Variants in KSR2 observed in about 807,000 individuals in gnomAD.
KSR2 encodes the protein kinase suppressor of ras 2.
Under a neutral mutation model 107.8 loss-of-function variants are expected in KSR2, and 25 were observed. That is an observed-to-expected ratio of 0.23 (90% CI 0.17 to 0.32). The LOEUF (loss-of-function observed/expected upper bound fraction) is 0.32, where lower values mean the gene tolerates loss of function less well. KSR2 is among the 10% of genes least tolerant of loss of function. The pLI is 1.00. For missense variants in KSR2, 887 were observed against 1,268.9 expected, an observed-to-expected ratio of 0.70 and a Z score of 4.57; for synonymous variants, 480 against 507.0, an observed-to-expected ratio of 0.95 and a Z score of 0.71.
At chr12:117,830,142 C>A (rs537665322) in intron 3 of KSR2, among the ~76,000 whole-genome samples, 234 of 152,174 alleles carry the variant, frequency 1.5e-3, no homozygotes, top group Non-Finnish European at 2.7e-3. Context: ...GTGGTGCATG[C>A]CTGTAATCCC....
At chr12:117,960,601 A>G (rs544897890) in intron 1 of KSR2, among the ~76,000 whole-genome samples, 50 of 152,182 alleles carry the variant, frequency 3.3e-4, no homozygotes, top group African/African-American at 1.2e-3. Flanking sequence ...GATAAACACA[A>G]CCACAAGTGA....
At chr12:117,721,680 T>G (rs962162246) in intron 4 of KSR2, among the ~76,000 whole-genome samples, 16 of 152,182 alleles carry the variant, frequency 1.1e-4, no homozygotes, top group Non-Finnish European at 1.6e-4. Context: ...TTTGACCTTC[T>G]GAGGGCATAG....
chr12:117,647,753 C>A (rs1348406039), intron 5 of KSR2, among the ~76,000 whole-genome samples: 3 of 152,112 alleles, frequency 2.0e-5, no homozygotes, highest in Admixed American at 2.0e-4. Flanking sequence ...GACAGAGTCT[C>A]ACTCTGTCGC....
At chr12:117,906,109 G>C (rs1419500628) in intron 1 of KSR2, among the ~76,000 whole-genome samples, 2 of 152,102 alleles carry the variant, frequency 1.3e-5, no homozygotes, top group South Asian at 2.1e-4. Flanking sequence ...CCAGCACTTC[G>C]GGAGGCCGAG....
chr12:117,875,213 C>G (rs1445021683), intron 1 of KSR2, among the ~76,000 whole-genome samples: 2 of 152,106 alleles, frequency 1.3e-5, no homozygotes, highest in Non-Finnish European at 2.9e-5. Flanking sequence ...GTCTGAAATC[C>G]CTAATGTGAA....
At chr12:117,539,582 T>A in intron 10 of KSR2, 137 bp downstream of exon 10, 3 of 753,928 alleles carry the variant, frequency 4.0e-6, no homozygotes, top group African/African-American at 1.8e-5. Context: ...CATACTTCCT[T>A]GCCCCTCTCT....
chr12:117,901,505 A>G (rs1028034945), intron 1 of KSR2, among the ~76,000 whole-genome samples: 9 of 151,900 alleles, frequency 5.9e-5, no homozygotes, highest in African/African-American at 2.2e-4. Flanking sequence ...GTTTCACCAT[A>G]TTGCCCAGGC....
At chr12:117,928,479 T>C (rs1895604440) in intron 1 of KSR2, among the ~76,000 whole-genome samples, 2 of 152,194 alleles carry the variant, frequency 1.3e-5, no homozygotes, top group African/African-American at 4.8e-5. Context: ...CCACCACGCC[T>C]GGCCTTCATT....
At chr12:117,852,017 T>TTGTGTA (rs1350954061) in intron 3 of KSR2, among the ~76,000 whole-genome samples, 3 of 152,254 alleles carry the variant, frequency 2.0e-5, no homozygotes, top group East Asian at 3.9e-4. Context: ...CATGCTATAA[T>TTGTGTA]TGTGTATGTG....
rs1185783695 is a variant in KSR2, at chr12:117,731,450, C to CGGGA, written c.986+29557_986+29560dup. ...GCCCCCGCCCAGCCACCGCCCCGTC[C>CGGGA]GGGAGGTGGGGGGCGCCTCTGCCCG... On this transcript the variant is annotated intron_variant, in intron 4 of 19. Coordinates refer to ENST00000339824, the MANE Select transcript of KSR2 (RefSeq NM_173598.6). Among the ~76,000 whole-genome samples, 13 of 115,838 alleles carry CGGGA rather than the reference C, an allele frequency of 1.1e-4. No individual in the cohort carries two copies. The South Asian group carries it at 1.7e-3, about 15-fold the overall frequency. 76.0% of individuals were successfully genotyped at this position (115,838 alleles called of 152,430 possible).
In KSR2 at chr12:117,531,668, G is replaced by A; in HGVS notation, c.1727C>T (p.Pro576Leu). Residue 576 changes from proline to leucine, a missense_variant and splice_region_variant, in exon 11 of 20, where the codon CCA becomes CTA. Transcript: ENST00000339824. Reference sequence around the variant, plus strand: ...CTTCCAGCTCACATGAAACTCACCTGGGAAGATGAACTGCTGCTTGTATTT... The same window carrying A: ...CTTCCAGCTCACATGAAACTCACCTAGGAAGATGAACTGCTGCTTGTATTT... ...YYKYKQQFIFPDVVPVPETPT... is the reference protein window; with the variant it reads ...YYKYKQQFIFLDVVPVPETPT... 6.2e-7 allele frequency: 1 copy of A among 1,603,736 alleles called. No individual in the cohort carries two copies. Among genetic ancestry groups the A allele is most frequent in the Non-Finnish European group, 8.5e-7 (1 of 1,175,994 alleles).
At chr12:117,583,481 G>A (rs1161693431) in intron 5 of KSR2, among the ~76,000 whole-genome samples, 1 of 150,594 alleles carries the variant, frequency 6.6e-6, no homozygotes, top group Non-Finnish European at 1.5e-5. Flanking sequence ...GGAAAGATGG[G>A]TAGGTGAGTG....
chr12:117,923,601 G>A (rs1895410945), intron 1 of KSR2, among the ~76,000 whole-genome samples: 1 of 152,018 alleles, frequency 6.6e-6, no homozygotes, highest in African/African-American at 2.4e-5. Context: ...GGAGGTCAAG[G>A]ATACAGCGAG....
intron 4 of KSR2, among the ~76,000 whole-genome samples, chr12:117,744,594 G>A (rs1347835874): frequency 1.3e-5 from 2 of 152,164 alleles, no homozygotes; most frequent in African/African-American, 4.8e-5. Flanking sequence ...GGAAGGGAAG[G>A]AAGAAAGGAA....
chr12:117,740,572 ATATAT>A (rs1402796449), intron 4 of KSR2, among the ~76,000 whole-genome samples: 17 of 108,298 alleles, frequency 1.6e-4, no homozygotes, highest in South Asian at 7.7e-4. Context: ...AATATATAAC[ATATAT>A]TATATATGTA....
chr12:117,493,483 C>T (rs1197662934), intron 14 of KSR2, among the ~76,000 whole-genome samples: 1 of 152,186 alleles, frequency 6.6e-6, no homozygotes, highest in African/African-American at 2.4e-5. Flanking sequence ...GCCTTTGCCT[C>T]TGCCATTTCC....
chr12:117,629,051 C>G (rs112117390), intron 5 of KSR2, among the ~76,000 whole-genome samples: 3 of 152,358 alleles, frequency 2.0e-5, no homozygotes, highest in African/African-American at 7.2e-5. Flanking sequence ...TTGCTAAGAC[C>G]TTGGGAAAAG....
chr12:117,939,288 G>T (rs1279110618), intron 1 of KSR2, among the ~76,000 whole-genome samples: 1 of 152,186 alleles, frequency 6.6e-6, no homozygotes, highest in Non-Finnish European at 1.5e-5. Flanking sequence ...TGCAATAATG[G>T]TTTGGGAATT....
At position 117,802,330 on chromosome 12, in the gene KSR2, G is replaced by A. The variant is rs183172031; in HGVS notation, c.473-40806C>T. Reference sequence around the variant, plus strand: ...GGACCTCTGGGATGACTTTGAGCACGGCTAGATCATCCATGATAATCTCCC... The same window carrying A: ...GGACCTCTGGGATGACTTTGAGCACAGCTAGATCATCCATGATAATCTCCC... On this transcript the variant is annotated intron_variant, in intron 3 of 19. Coordinates refer to ENST00000339824, the MANE Select transcript of KSR2 (RefSeq NM_173598.6). Among the ~76,000 whole-genome samples the A allele has an allele frequency of 2.6e-4, 40 of 152,018 alleles. No individual in the cohort carries two copies. In the South Asian group the frequency reaches 2.7e-3, roughly 10 times the overall value.
Sources: gnomAD v4.1 joint callset for allele counts (sites outside exome capture counted in the v4.1 genomes callset) on GRCh38, gnomAD v4.1.1 for gene constraint, MANE v1.5 for transcripts, NCBI Gene and HGNC (gene_info 2026-07-23, HGNC 2026-07-21) for gene names.